AHI1: variants seen among roughly 807,000 people sequenced by gnomAD.
The protein encoded by AHI1 is Abelson helper integration site 1, also known as jouberin.
Under a neutral mutation model 149.3 loss-of-function variants are expected in AHI1, and 123 were observed. The ratio of observed to expected loss-of-function variants is 0.82; its 90% CI spans 0.71 to 0.96. The LOEUF is 0.96. Ranked by LOEUF, AHI1 falls within the 40% of genes least tolerant of loss-of-function variation. The probability of loss-of-function intolerance (pLI) is 0.00; values close to 1 mark genes in which losing one functional copy is unlikely to be tolerated. For missense variants in AHI1, 1,439 were observed against 1,422.7 expected (o/e 1.01, Z -0.18); for synonymous variants, 475 against 459.8 (o/e 1.03, Z -0.42).
At chr6:135,390,776 T>C (rs879630557) in intron 23 of AHI1, among the ~76,000 whole-genome samples, 9 of 152,230 alleles carry the variant, frequency 5.9e-5, no homozygotes, top group Admixed American at 2.0e-4. Context: ...ATGATTTTCA[T>C]GTTTACTCTA....
chr6:135,334,520 A>C (rs565855474), intron 24 of AHI1, among the ~76,000 whole-genome samples: 2 of 152,218 alleles, frequency 1.3e-5, no homozygotes, highest in Non-Finnish European at 2.9e-5. Flanking sequence ...CAGCAGCCCA[A>C]ACAGACTAAG....
chr6:135,495,982 AAAAAT>A (rs1648072631), intron 2 of AHI1, 84 bp from the exon 3 acceptor site: 2 of 152,248 alleles, frequency 1.3e-5, no homozygotes, highest in African/African-American at 4.8e-5. Flanking sequence ...TTATTGTATT[AAAAAT>A]AAGTAAATAA....
At chr6:135,333,687 T>A (rs1389768230) in intron 24 of AHI1, among the ~76,000 whole-genome samples, 1 of 152,218 alleles carries the variant, frequency 6.6e-6, no homozygotes, top group Admixed American at 6.5e-5. Context: ...TATCTTCTGA[T>A]AAAATAATGA....
intron 20 of AHI1, among the ~76,000 whole-genome samples, chr6:135,419,451 G>C (rs1262913369): frequency 2.6e-5 from 4 of 151,978 alleles, no homozygotes; most frequent in African/African-American, 9.7e-5. Context: ...TCAGAGATAT[G>C]GCGGGTTTGG....
intron 24 of AHI1, among the ~76,000 whole-genome samples, chr6:135,345,511 A>C (rs926008547): frequency 6.6e-6 from 1 of 152,250 alleles, no homozygotes; most frequent in Non-Finnish European, 1.5e-5. Flanking sequence ...AAATTCTGAT[A>C]CATGCCACAA....
At chr6:135,466,421 G>A (rs1790779028) in intron 6 of AHI1, 48 bp from the exon 7 acceptor site, 1 of 1,458,220 alleles carries the variant, frequency 6.9e-7, no homozygotes, top group South Asian at 1.3e-5. Context: ...ACATAGATTA[G>A]TTATATAAAG....
At chr6:135,444,128 T>A (rs963947341) in intron 13 of AHI1, among the ~76,000 whole-genome samples, 2 of 152,202 alleles carry the variant, frequency 1.3e-5, no homozygotes, top group Non-Finnish European at 2.9e-5. Context: ...TACTACCTTG[T>A]CAGTCACTAA....
At chr6:135,431,003 G>C (rs761290082) in intron 17 of AHI1, among the ~76,000 whole-genome samples, 30 of 151,868 alleles carry the variant, frequency 2.0e-4, no homozygotes, top group Non-Finnish European at 3.8e-4. Context: ...TTAACACCTG[G>C]CCAAAATTTT....
intron 24 of AHI1, among the ~76,000 whole-genome samples, chr6:135,329,189 C>T (rs1788160321): frequency 6.6e-6 from 1 of 152,162 alleles, no homozygotes; most frequent in South Asian, 2.1e-4. Context: ...GGTGGCTATA[C>T]TAAAGAATAG....
At chr6:135,297,984 CCT>C (rs1001998350) in intron 27 of AHI1, among the ~76,000 whole-genome samples, 1 of 151,946 alleles carries the variant, frequency 6.6e-6, no homozygotes, top group African/African-American at 2.4e-5. Context: ...TATGAATTAA[CCT>C]CTCTCTGAAC....
Position 135,411,431 on chromosome 6 carries a change from A to C in AHI1, c.2878T>G (p.Ser960Ala). Residue 960 changes from serine (S) to alanine (A), a missense_variant, in exon 21 of 29, where the codon TCT becomes GCT. Coordinates refer to ENST00000265602, the MANE Select transcript of AHI1 (RefSeq NM_001134831.2). ...CTCPKLPHQGSFQIDEFVHTE... is the reference protein window; with the variant it reads ...CTCPKLPHQGAFQIDEFVHTE... ...TGGACAAATTCATCAATCTGAAAAG[A>C]GCCTTGATGGGGTAGTTTTGGACAG... The C allele has an allele frequency of 6.2e-7, 1 of 1,613,802 alleles. No individual in the cohort carries two copies. The highest frequency in any genetic ancestry group is 2.2e-5 in the East Asian group (1 of 44,858).
At chr6:135,390,717 G>C (rs1159570737) in intron 23 of AHI1, among the ~76,000 whole-genome samples, 2 of 152,184 alleles carry the variant, frequency 1.3e-5, no homozygotes, top group Non-Finnish European at 2.9e-5. Context: ...CAGAAATTGA[G>C]TAATAAAAGT....
chr6:135,346,296 G>A (rs1791197706), intron 24 of AHI1, among the ~76,000 whole-genome samples: 4 of 152,132 alleles, frequency 2.6e-5, no homozygotes, highest in African/African-American at 9.7e-5. Flanking sequence ...CCGGGTTCAC[G>A]CCATTTTCCT....
intron 5 of AHI1, among the ~76,000 whole-genome samples, chr6:135,472,049 A>AAAAAAAAAAAAAAAT (rs1791824471): frequency 7.2e-6 from 1 of 139,110 alleles, no homozygotes; most frequent in Non-Finnish European, 1.6e-5. Context: ...AAAAAAAAAA[A>AAAAAAAAAAAAAAAT]GATATAGCTT....
intron 23 of AHI1, among the ~76,000 whole-genome samples, chr6:135,359,562 T>C (rs766771192): frequency 1.4e-4 from 22 of 152,158 alleles, no homozygotes; most frequent in African/African-American, 4.6e-4. Flanking sequence ...ATTTTAACAA[T>C]ATAGAAATAT....
chr6:135,476,871 G>C (rs1792735376), intron 5 of AHI1, among the ~76,000 whole-genome samples: 1 of 151,972 alleles, frequency 6.6e-6, no homozygotes, highest in African/African-American at 2.4e-5. Flanking sequence ...TTGAAAGCAA[G>C]TTTCTTATAG....
chr6:135,301,345 C>T (rs930331836), intron 26 of AHI1: 25 of 968,266 alleles, frequency 2.6e-5, no homozygotes, highest in Non-Finnish European at 3.1e-5. Context: ...CCATATGTTC[C>T]TAATTATTTC....
intron 21 of AHI1, among the ~76,000 whole-genome samples, chr6:135,405,859 C>CA (rs543403253): frequency 0.029 from 822 of 28,720 alleles, 8 homozygotes; most frequent in African/African-American, 0.065. Context: ...GACTCCAACT[C>CA]AAAAAAAAAA....
At chr6:135,465,227 C>A (rs1035914399) in intron 7 of AHI1, among the ~76,000 whole-genome samples, 4 of 152,032 alleles carry the variant, frequency 2.6e-5, no homozygotes, top group African/African-American at 9.7e-5. Flanking sequence ...GCATTTTTAC[C>A]TTATTGTTTT....
Sources: allele counts gnomAD v4.1 joint callset (sites outside exome capture counted in the v4.1 genomes callset), GRCh38; gene constraint gnomAD v4.1.1; transcripts MANE v1.5; gene names NCBI Gene and HGNC (gene_info 2026-07-23, HGNC 2026-07-21).